The following CDCP1 variants were observed in gnomAD, a reference collection of about 807,000 sequenced individuals.
The protein encoded by CDCP1 is CUB domain-containing protein 1.
Under a neutral mutation model 60.2 loss-of-function variants are expected in CDCP1, and 29 were observed. The observed-to-expected ratio is 0.48, with a 90% CI of 0.36 to 0.66. The LOEUF (loss-of-function observed/expected upper bound fraction) is 0.66, where lower values mean the gene tolerates loss of function less well. Ranked by LOEUF, CDCP1 falls within the 30% of genes least tolerant of loss-of-function variation. The probability of loss-of-function intolerance (pLI) is 0.00; values close to 1 mark genes in which losing one functional copy is unlikely to be tolerated. For missense variants in CDCP1, 876 were observed against 1,074.3 expected (o/e 0.82, Z 2.58); for synonymous variants, 387 against 431.1 (o/e 0.90, Z 1.27).
intron 1 of CDCP1, among the ~76,000 whole-genome samples, 161 bp from the exon 2 acceptor site, chr3:45,118,782 C>T (rs1698836203): frequency 6.6e-6 from 1 of 152,198 alleles, no homozygotes; most frequent in Non-Finnish European, 1.5e-5. Flanking sequence ...CAGTTCCGAC[C>T]TTAGCAATGA....
chr3:45,110,750 G>A lies in CDCP1; in HGVS notation c.747C>T (p.Leu249=). ...CAGGAACGACAAACTGCCACGTCAT[G>A]AGCTCATCCTCAGGGAAGCCTTCTG... ...NYPEGFPEDE[L]MTWQFVVPAH... The change falls in exon 4 of 9, where the codon CTC becomes CTT. Residue 249 remains leucine, a synonymous_variant. Coordinates refer to ENST00000296129, the MANE Select transcript of CDCP1 (RefSeq NM_022842.5). 2 of 1,614,180 alleles carry A rather than the reference G, an allele frequency of 1.2e-6. No homozygotes were observed. The highest frequency in any genetic ancestry group is 1.7e-6 in the Non-Finnish European group (2 of 1,180,044).
intron 1 of CDCP1, among the ~76,000 whole-genome samples, chr3:45,126,270 TTTC>T (rs1698999230): frequency 6.6e-6 from 1 of 151,384 alleles, no homozygotes; most frequent in African/African-American, 2.4e-5. Context: ...TCTCTCTCTG[TTTC>T]TTTTTTTTGT....
At chr3:45,087,206 A>C (rs534712344) in intron 8 of CDCP1, among the ~76,000 whole-genome samples, 145 of 152,300 alleles carry the variant, frequency 9.5e-4, no homozygotes, top group South Asian at 3.1e-3. Flanking sequence ...CCCAGGAGAC[A>C]CTCAGGAAGT....
chr3:45,142,611 G>A (rs76336986), intron 1 of CDCP1, among the ~76,000 whole-genome samples: 10 of 152,174 alleles, frequency 6.6e-5, no homozygotes, highest in Admixed American at 2.6e-4. Context: ...CTCTCCACAG[G>A]TGACATGGAA....
chr3:45,111,275 T>C lies in CDCP1; in HGVS notation c.656-434A>G, dbSNP rs75744882. Reference sequence around the variant, plus strand: ...ATTAGGAAGTGATGAGTTTTGAGTATTTATTACCTTTGTTTTAAAAATAAT... The same window carrying C: ...ATTAGGAAGTGATGAGTTTTGAGTACTTATTACCTTTGTTTTAAAAATAAT... On this transcript the variant is annotated intron_variant, in intron 3 of 8. Coordinates refer to ENST00000296129, the MANE Select transcript of CDCP1 (RefSeq NM_022842.5). Among the ~76,000 whole-genome samples, 791 of 152,366 alleles carry C rather than the reference T, an allele frequency of 5.2e-3. 30 individuals are homozygous for C. The highest frequency in any genetic ancestry group is 0.042 in the Admixed American group (642 of 15,310).
intron 1 of CDCP1, among the ~76,000 whole-genome samples, chr3:45,127,390 A>G (rs11130045): frequency 0.53 from 80,451 of 151,956 alleles, 21,452 homozygotes; most frequent in Admixed American, 0.58. Context: ...GGGCATGGGA[A>G]GTTAATGTGG....
chr3:45,108,016 G>A (rs575403878), intron 4 of CDCP1, among the ~76,000 whole-genome samples: 3 of 152,174 alleles, frequency 2.0e-5, no homozygotes, highest in Middle Eastern at 3.4e-3. Flanking sequence ...TACTCAAGAA[G>A]CTGAGGCAGG....
intron 4 of CDCP1, among the ~76,000 whole-genome samples, chr3:45,097,326 G>A (rs1559777524): frequency 1.3e-5 from 2 of 150,780 alleles, no homozygotes; most frequent in Non-Finnish European, 3.0e-5. Context: ...AAGAAAGAAA[G>A]AAAGAAAAGA....
chr3:45,146,119 G>GCACCCTT, intron 1 of CDCP1, 87 bp downstream of exon 1: 1 of 1,106,660 alleles, frequency 9.0e-7, no homozygotes, highest in Non-Finnish European at 1.3e-6. Context: ...TCCGCACCCT[G>GCACCCTT]CGTCCCTCGG....
intron 1 of CDCP1, among the ~76,000 whole-genome samples, chr3:45,144,284 C>T (rs1457569666): frequency 6.6e-6 from 1 of 152,172 alleles, no homozygotes; most frequent in Non-Finnish European, 1.5e-5. Flanking sequence ...TGTGCCAGGG[C>T]TCTGGCTTTC....
chr3:45,134,193 A>T (rs1198129981), intron 1 of CDCP1, among the ~76,000 whole-genome samples: 6 of 150,030 alleles, frequency 4.0e-5, no homozygotes, highest in South Asian at 2.1e-4. Context: ...GGTGCGATCT[A>T]TGCTCACTGC....
chr3:45,086,280 C>G (rs1355490193), intron 8 of CDCP1, among the ~76,000 whole-genome samples: 1 of 152,186 alleles, frequency 6.6e-6, no homozygotes, highest in Non-Finnish European at 1.5e-5. Flanking sequence ...AAAGTGGAAA[C>G]AGAGATCACA....
At chr3:45,093,786 AC>A in intron 5 of CDCP1, 129 bp from the exon 6 acceptor site, 1 of 1,046,078 alleles carries the variant, frequency 9.6e-7, no homozygotes, top group East Asian at 2.4e-5. Context: ...CTCTTCTCCC[AC>A]CCTGCCCTCT....
In CDCP1 at chr3:45,110,620, CG is replaced by C. The variant is rs1559393411; in HGVS notation, c.876del (p.Glu293ArgfsTer57). 6.2e-7 allele frequency: 1 copy of C among 1,614,184 alleles called. No homozygotes were observed. Among genetic ancestry groups the C allele is most frequent in the East Asian group, 2.2e-5 (1 of 44,886 alleles). On this transcript the variant is annotated frameshift_variant, in exon 4 of 9. Coordinates refer to ENST00000296129, the MANE Select transcript of CDCP1 (RefSeq NM_022842.5). LOFTEE classifies it high-confidence loss of function. ...EYYIPGSTTN[P>X]EVFKLEDKQP... ...TGCTTGTCCTCCAGCTTGAACACCT[CG>C]GGGTTGGTGGTGGAGCCCGGGATGT...
In CDCP1 at chr3:45,085,123, G is replaced by A. The variant is rs1280352428; in HGVS notation, c.*515C>T. The A allele has an allele frequency of 6.5e-6, 1 of 153,580 alleles. No individual in the cohort carries two copies. Among genetic ancestry groups the A allele is most frequent in the Non-Finnish European group, 1.4e-5 (1 of 69,022 alleles). 9.5% of individuals were successfully genotyped at this position (153,580 alleles called of 1,614,324 possible). A position where few individuals can be genotyped will look rare whatever the true frequency, so the allele number is the denominator to read the frequency against. On this transcript the variant is annotated 3_prime_UTR_variant, in exon 9 of 9. Coordinates refer to ENST00000296129, the MANE Select transcript of CDCP1 (RefSeq NM_022842.5). This position sits in a 1 kb window ranked among gnomAD's most constrained non-coding sequence, Gnocchi z 4.2. ...CAGGCATCCAAACCAGTTAGTATGA[G>A]TTATTACTAAGTCAGGTGAAAAGAG...
intron 1 of CDCP1, among the ~76,000 whole-genome samples, chr3:45,130,177 A>T (rs1448428809): frequency 6.6e-6 from 1 of 151,508 alleles, no homozygotes; most frequent in African/African-American, 2.4e-5. Flanking sequence ...GCTGCAGAGC[A>T]GTGGTGTGAT....
At chr3:45,130,630 C>T (rs28628504) in intron 1 of CDCP1, among the ~76,000 whole-genome samples, 3,255 of 152,204 alleles carry the variant, frequency 0.021, 146 homozygotes, top group African/African-American at 0.074. Context: ...CAGGGCTTCA[C>T]GGTTCTTGTT....
Position 45,099,328 on chromosome 3 carries a change from C to T in CDCP1, c.1025-3760G>A, listed in dbSNP as rs72879984. Among the ~76,000 whole-genome samples the T allele has an allele frequency of 9.5e-3, 1,437 of 152,052 alleles. 20 individuals carry two copies. Among genetic ancestry groups the T allele is most frequent in the African/African-American group, 0.033 (1,360 of 41,484 alleles). ...CCTTCAGAACTTTGAAGATCTTACT[C>T]CATTGTTTTATAATACCCAGTGTTG... On this transcript the variant is annotated intron_variant, in intron 4 of 8. Transcript: ENST00000296129.
Position 45,087,816 on chromosome 3 carries a change from G to A in CDCP1, c.2081+1238C>T, listed in dbSNP as rs562411350. ...GGGTGGATCACAAGGTCAAGAGATC[G>A]AGACCATCCTGGCCAACATGGTGAA... On this transcript the variant is annotated intron_variant, in intron 8 of 8. Transcript: ENST00000296129. 6.6e-5 allele frequency among the ~76,000 whole-genome samples: 10 copies of A among 152,104 alleles called. No homozygotes were observed. In the East Asian group the frequency reaches 1.9e-3, roughly 30 times the overall value.
Sources: allele counts gnomAD v4.1 joint callset (sites outside exome capture counted in the v4.1 genomes callset), GRCh38; gene constraint gnomAD v4.1.1; non-coding constraint Gnocchi (gnomAD v3.1); transcripts MANE v1.5; gene names NCBI Gene and HGNC (gene_info 2026-07-23, HGNC 2026-07-21).